Variants in INTS11 observed in about 807,000 individuals in gnomAD.
INTS11 encodes the protein CPSF3-like protein.
Under a neutral mutation model 78.6 loss-of-function variants are expected in INTS11, and 77 were observed. The observed-to-expected ratio is 0.98, with a 90% CI of 0.81 to 1.18. INTS11 has a LOEUF of 1.18. Among genes scored for constraint, INTS11 ranks in the 50% most tolerant of loss-of-function variants. The probability of loss-of-function intolerance (pLI) is 0.00; values close to 1 mark genes in which losing one functional copy is unlikely to be tolerated. For synonymous variants in INTS11, 441 were observed against 326.9 expected, an observed-to-expected ratio of 1.35 and a Z score of -3.77; for missense variants, 875 against 825.9, an observed-to-expected ratio of 1.06 and a Z score of -0.73.
intron 4 of INTS11, chr1:1,318,729 T>C (rs995215082): frequency 6.3e-6 from 3 of 478,254 alleles, no homozygotes; most frequent in Middle Eastern, 2.9e-4. Flanking sequence ...AAATTAAATG[T>C]TCCAAAATAC....
intron 4 of INTS11, chr1:1,318,782 C>T (rs980196177): frequency 1.3e-5 from 7 of 553,214 alleles, no homozygotes; most frequent in African/African-American, 9.5e-5. Context: ...AAGCAATACC[C>T]AGAGATTCGA....
chr1:1,314,693 C>T lies in INTS11; in HGVS notation c.702+131G>A, dbSNP rs1642468977. The T allele has an allele frequency of 6.1e-6, 7 of 1,138,944 alleles. No individual in the cohort carries two copies. Among genetic ancestry groups the T allele is most frequent in the African/African-American group, 3.1e-5 (2 of 64,460 alleles). 70.6% of individuals were successfully genotyped at this position (1,138,944 alleles called of 1,614,324 possible). A position where few individuals can be genotyped will look rare whatever the true frequency, so the allele number is the denominator to read the frequency against. On this transcript the variant is annotated intron_variant, in intron 7 of 16. Coordinates refer to ENST00000435064, the MANE Select transcript of INTS11 (RefSeq NM_017871.6). This position sits in a 1 kb window ranked among gnomAD's most constrained non-coding sequence, Gnocchi z 4.2. ...TCCTCCTCAATGTTGAGCAAATCTT[C>T]TTCCCTCCCTGCCTGAAAATGCAGT...
rs377386006 is a variant in INTS11, at chr1:1,314,790, C to G, written c.702+34G>C. The stretch of plus-strand genomic sequence containing the variant: ...GCCAGAAAGACCAGCCCAGCATGGC[C>G]GAGGGCCCATGTCCCCACCCCTGCT... On this transcript the variant is annotated intron_variant, in intron 7 of 16. Transcript: ENST00000435064. The surrounding 1 kb of genome is among the most constrained non-coding windows in gnomAD (Gnocchi z 4.2). 12 of 1,595,078 alleles carry G rather than the reference C, an allele frequency of 7.5e-6. No individual in the cohort carries two copies. The highest frequency in any genetic ancestry group is 1.3e-5 in the African/African-American group (1 of 74,800).
intron 10 of INTS11, 81 bp downstream of exon 10, chr1:1,313,428 G>C: frequency 2.0e-6 from 3 of 1,507,676 alleles, no homozygotes; most frequent in Non-Finnish European, 2.8e-6. Context: ...CCAAGCCAGT[G>C]AGAGCTCAGA....
At chr1:1,321,901 C>T in intron 1 of INTS11, 2 of 1,260,034 alleles carry the variant, frequency 1.6e-6, no homozygotes, top group Non-Finnish European at 2.1e-6. Flanking sequence ...CCTTGAATCC[C>T]ACCCACCTCC....
rs1642272522 is a variant in INTS11 at position 1,312,481 on chromosome 1, T to G, written c.1423A>C (p.Lys475Gln). 6.3e-7 allele frequency: 1 copy of G among 1,579,872 alleles called. No individual in the cohort carries two copies. The stretch of plus-strand genomic sequence containing the variant: ...AGGGTGCCGTGCAGGAGCCGAGGCT[T>G]CTTGGCCTCAGGGAGCAGCCCTGCG... The part of the protein sequence containing the change: ...MAQGLLPEAK[K>Q]PRLLHGTLIM... Residue 475 changes from lysine to glutamine, a missense_variant, in exon 14 of 17, where the codon AAG becomes CAG. Coordinates refer to ENST00000435064, the MANE Select transcript of INTS11 (RefSeq NM_017871.6).
chr1:1,312,654 G>C lies in INTS11; in HGVS notation c.1341C>G (p.Pro447=). The C allele has an allele frequency of 1.3e-6, 2 of 1,594,472 alleles. No homozygotes were observed. Among genetic ancestry groups the C allele is most frequent in the Non-Finnish European group, 1.7e-6 (2 of 1,167,364 alleles). Residue 447 remains proline (P), a synonymous_variant, in exon 13 of 17, where the codon CCC becomes CCG. Coordinates refer to ENST00000435064, the MANE Select transcript of INTS11 (RefSeq NM_017871.6). ...TGCCTACGGGGATGCTGGGGCTTGTGGGCAGCGTCACCGTCTCGCCATTGG... is the reference window on the plus strand; with the variant it reads ...TGCCTACGGGGATGCTGGGGCTTGTCGGCAGCGTCACCGTCTCGCCATTGG... ...MPANGETVTL[P]TSPSIPVGIS...
At chr1:1,313,468 G>T in intron 10 of INTS11, 41 bp downstream of exon 10, 2 of 1,603,218 alleles carry the variant, frequency 1.2e-6, no homozygotes, top group African/African-American at 1.3e-5. Context: ...CAACCCGTCG[G>T]CCTCCAGCTT....
At position 1,324,596 on chromosome 1, in the gene INTS11, T is replaced by G; in HGVS notation, c.13A>C (p.Arg5=). Residue 5 remains arginine (R), a synonymous_variant, in exon 1 of 17, where the codon AGA becomes CGA. Coordinates refer to ENST00000435064, the MANE Select transcript of INTS11 (RefSeq NM_017871.6). ...TCCCACTCACCCAAGGGCGTGACTC[T>G]GATCTCAGGCATCGTCTCCGCCGCG... MPEI[R]VTPLGAGQDV... 6.3e-7 allele frequency: 1 copy of G among 1,597,528 alleles called. No homozygotes were observed. Among genetic ancestry groups the G allele is most frequent in the Non-Finnish European group, 8.5e-7 (1 of 1,173,952 alleles).
chr1:1,321,897 A>AAACCCCCCCC, intron 1 of INTS11: 3 of 1,258,200 alleles, frequency 2.4e-6, no homozygotes, highest in Non-Finnish European at 3.1e-6. Flanking sequence ...TTCCCCTTGA[A>AAACCCCCCCC]TCCCACCCAC....
At chr1:1,313,661 G>A (rs1235302149) in intron 9 of INTS11, 69 bp from the exon 10 acceptor site, 4 of 1,610,632 alleles carry the variant, frequency 2.5e-6, no homozygotes, top group South Asian at 1.1e-5. Flanking sequence ...GCAGGCCCAA[G>A]CCCAGACACC....
chr1:1,319,491 G>A lies in INTS11; in HGVS notation c.234C>T (p.Pro78=), dbSNP rs1283304396. Residue 78 remains proline, a synonymous_variant, in exon 4 of 17, where the codon CCC becomes CCT. Transcript: ENST00000435064. Reference sequence around the variant, plus strand: ...CGTAGCCCACCATCTCGCTGAAGTAGGGGAGTGCCCCGCAGTGGTCCAGGT... The same window carrying A: ...CGTAGCCCACCATCTCGCTGAAGTAAGGGAGTGCCCCGCAGTGGTCCAGGT... ...HFHLDHCGAL[P]YFSEMVGYDG... is the part of the protein sequence containing the mutation. 1.9e-6 allele frequency: 3 copies of A among 1,600,874 alleles called. No homozygotes were observed. The Admixed American group carries it at 5.0e-5, about 27-fold the overall frequency.
chr1:1,314,082 G>C lies in INTS11; in HGVS notation c.768-161C>G. Reference sequence around the variant, plus strand: ...GTCCCATTAAGCCCTGCAGCAGCCGGGCTCAGCGGAGAACCAGGAACCCCT... The same window carrying C: ...GTCCCATTAAGCCCTGCAGCAGCCGCGCTCAGCGGAGAACCAGGAACCCCT... On this transcript the variant is annotated intron_variant, in intron 8 of 16. Transcript: ENST00000435064. The surrounding 1 kb of genome is among the most constrained non-coding windows in gnomAD (Gnocchi z 4.2). 1 of 808,706 alleles carries C rather than the reference G, an allele frequency of 1.2e-6. No homozygotes were observed. The allele number at this position is 808,706 out of a possible 1,614,324, so 50.1% of individuals were successfully genotyped here.
At chr1:1,313,946 A>C (rs1452267453) in intron 8 of INTS11, 25 bp from the exon 9 acceptor site, 1 of 1,603,578 alleles carries the variant, frequency 6.2e-7, no homozygotes, top group Non-Finnish European at 8.5e-7. Context: ...CCCAGTCAGC[A>C]CAGTGGCCAC....
In INTS11 at chr1:1,314,594, G is replaced by A. The variant is rs944917123; in HGVS notation, c.703-229C>T. 1.4e-5 allele frequency: 9 copies of A among 640,418 alleles called. No individual in the cohort carries two copies. Among genetic ancestry groups the A allele is most frequent in the African/African-American group, 5.5e-5 (3 of 54,514 alleles). The allele number at this position is 640,418 out of a possible 1,614,324, so 39.7% of individuals were successfully genotyped here. A position where few individuals can be genotyped will look rare whatever the true frequency, so the allele number is the denominator to read the frequency against. ...AAGGGAGCTGCATGAGAGACAGAAG[G>A]AGCCTGGCCAGGGCTTCGTCCGCAC... is the stretch of plus-strand genomic sequence containing the variant. On this transcript the variant is annotated intron_variant, in intron 7 of 16. Coordinates refer to ENST00000435064, the MANE Select transcript of INTS11 (RefSeq NM_017871.6). The surrounding 1 kb of genome is among the most constrained non-coding windows in gnomAD (Gnocchi z 4.2).
Position 1,312,095 on chromosome 1 carries a change from CCA to C in INTS11, c.1658_1659del (p.Val553GlyfsTer12), listed in dbSNP as rs764207158. On this transcript the variant is annotated frameshift_variant, in exon 16 of 17. Coordinates refer to ENST00000435064, the MANE Select transcript of INTS11 (RefSeq NM_017871.6). LOFTEE classifies it high-confidence loss of function. ...GCGGCGGCCTGGAGGAGGACGGACT[CCA>C]CAGTCACAGAGCCGTCTGGGAGGTG... ...VQHLPDGSVT[V>X]ESVLLQAAAP... The C allele has an allele frequency of 3.7e-5, 58 of 1,577,508 alleles. No individual in the cohort carries two copies. The highest frequency in any genetic ancestry group is 4.9e-5 in the Non-Finnish European group (57 of 1,160,468).
Position 1,311,675 on chromosome 1 carries a change from G to A in INTS11, c.*184C>T, listed in dbSNP as rs752587686. ...ACCAGGAATAAAGGCAAGACAGCCTGGAGACCAGTTTGTTTCTTCAGCTGC... is the reference window on the plus strand; with the variant it reads ...ACCAGGAATAAAGGCAAGACAGCCTAGAGACCAGTTTGTTTCTTCAGCTGC... On this transcript the variant is annotated 3_prime_UTR_variant, in exon 17 of 17. Coordinates refer to ENST00000435064, the MANE Select transcript of INTS11 (RefSeq NM_017871.6). 9.7e-5 allele frequency: 70 copies of A among 722,506 alleles called. No individual in the cohort carries two copies. The Admixed American group carries it at 1.3e-3, about 14-fold the overall frequency. 44.8% of individuals were successfully genotyped at this position (722,506 alleles called of 1,614,324 possible). A position where few individuals can be genotyped will look rare whatever the true frequency, so the allele number is the denominator to read the frequency against.
chr1:1,318,105 C>T (rs1319226442), intron 4 of INTS11, among the ~76,000 whole-genome samples: 1 of 152,070 alleles, frequency 6.6e-6, no homozygotes, highest in Non-Finnish European at 1.5e-5. Flanking sequence ...CTCCTGACCT[C>T]GTGATCCGCC....
Position 1,314,042 on chromosome 1 carries a change from C to T in INTS11, c.768-121G>A. On this transcript the variant is annotated intron_variant, in intron 8 of 16. Coordinates refer to ENST00000435064, the MANE Select transcript of INTS11 (RefSeq NM_017871.6). The surrounding 1 kb of genome is among the most constrained non-coding windows in gnomAD (Gnocchi z 4.2). Reference sequence around the variant, plus strand: ...GCCCACGCACGGGCCAGGTTGAGTCCAGTCGCGACCACTTGTCCCATTAAG... The same window carrying T: ...GCCCACGCACGGGCCAGGTTGAGTCTAGTCGCGACCACTTGTCCCATTAAG... 9.9e-7 allele frequency: 1 copy of T among 1,007,402 alleles called. No homozygotes were observed. The allele number at this position is 1,007,402 out of a possible 1,614,324, so 62.4% of individuals were successfully genotyped here.
Sources: allele counts gnomAD v4.1 joint callset (sites outside exome capture counted in the v4.1 genomes callset), GRCh38; gene constraint gnomAD v4.1.1; non-coding constraint Gnocchi (gnomAD v3.1); transcripts MANE v1.5; gene names NCBI Gene and HGNC (gene_info 2026-07-23, HGNC 2026-07-21).